Variants in IFIH1 observed in about 807,000 individuals in gnomAD.
IFIH1 encodes interferon-induced helicase C domain-containing protein 1.
A neutral mutation model predicts 107.4 loss-of-function variants in IFIH1; 125 were observed. The ratio of observed to expected loss-of-function variants is 1.16; its 90% CI spans 1.01 to 1.35. The LOEUF (loss-of-function observed/expected upper bound fraction) is 1.35, where lower values mean the gene tolerates loss of function less well. Ranked by LOEUF, IFIH1 falls within the 40% of genes most tolerant of loss-of-function variation. The pLI is 0.00. For synonymous variants in IFIH1, 458 were observed against 413.2 expected (o/e 1.11, Z -1.31); for missense variants, 1,333 against 1,213.7 (o/e 1.10, Z -1.46).
In IFIH1 at chr2:162,306,816, T is replaced by C; in HGVS notation, c.662A>G (p.Glu221Gly). Residue 221 changes from glutamate to glycine, a missense_variant, in exon 3 of 16, where the codon GAA (glutamate) becomes GGA (glycine). Transcript: ENST00000649979. Reference protein sequence around the residue: ...NLSQVDGPQVEEQLLSTTVQP... With the variant: ...NLSQVDGPQVGEQLLSTTVQP... ...AACTGTGGTTGAAAGAAGTTGCTCT[T>C]CCACTTGAGGACCATCAACTTGTGA... The C allele has an allele frequency of 6.2e-7, 1 of 1,613,970 alleles. No homozygotes were observed. The highest frequency in any genetic ancestry group is 8.5e-7 in the Non-Finnish European group (1 of 1,179,872).
chr2:162,297,731 C>T (rs958941221), intron 3 of IFIH1, among the ~76,000 whole-genome samples: 3 of 151,896 alleles, frequency 2.0e-5, no homozygotes, highest in Non-Finnish European at 4.4e-5. Context: ...TAAAGAAAAG[C>T]AGTTATTTAT....
chr2:162,298,768 A>G (rs573105937), intron 3 of IFIH1, among the ~76,000 whole-genome samples: 1 of 151,498 alleles, frequency 6.6e-6, no homozygotes, highest in East Asian at 2.0e-4. Flanking sequence ...ATATGGATCT[A>G]CACACACACG....
chr2:162,273,724 AAAAG>A lies in IFIH1; in HGVS notation c.2454+67_2454+70del, dbSNP rs1291099216. 2.6e-6 allele frequency: 3 copies of A among 1,167,782 alleles called. No homozygotes were observed. The African/African-American group carries it at 4.8e-5, about 19-fold the overall frequency. 72.3% of individuals were successfully genotyped at this position (1,167,782 alleles called of 1,614,324 possible). A position where few individuals can be genotyped will look rare whatever the true frequency, so the allele number is the denominator to read the frequency against. On this transcript the variant is annotated intron_variant, in intron 12 of 15. Transcript: ENST00000649979. ...AAAAAGATGTTTTTGCTGTTTAACT[AAAAG>A]AAAGCAATTAAAATAGGAACACAAC...
chr2:162,295,960 T>C (rs1035948228), intron 3 of IFIH1, among the ~76,000 whole-genome samples: 24 of 152,222 alleles, frequency 1.6e-4, no homozygotes, highest in Middle Eastern at 3.4e-3. Context: ...AATTTTGACA[T>C]GCTTTTCATT....
intron 3 of IFIH1, among the ~76,000 whole-genome samples, chr2:162,294,607 C>A (rs1040300373): frequency 6.6e-6 from 1 of 151,902 alleles, no homozygotes; most frequent in Non-Finnish European, 1.5e-5. Context: ...CTTCACAGCC[C>A]TTGATAATCT....
chr2:162,284,035 G>C (rs1338821450), intron 5 of IFIH1, among the ~76,000 whole-genome samples: 1 of 151,404 alleles, frequency 6.6e-6, no homozygotes, highest in Non-Finnish European at 1.5e-5. Context: ...AAACACGCTT[G>C]AGAAGTTTAG....
chr2:162,267,172 G>A lies in IFIH1; in HGVS notation c.*28C>T, dbSNP rs766932655. ...AATCATATTAAATGTTTAACTGATA[G>A]TATTTTAAAAGAATCTTCAATCAAG... On this transcript the variant is annotated 3_prime_UTR_variant, in exon 16 of 16. Coordinates refer to ENST00000649979, the MANE Select transcript of IFIH1 (RefSeq NM_022168.4). 2 of 1,443,818 alleles carry A rather than the reference G, an allele frequency of 1.4e-6. No homozygotes were observed. The highest frequency in any genetic ancestry group is 1.9e-6 in the Non-Finnish European group (2 of 1,058,442). The allele number at this position is 1,443,818 out of a possible 1,614,324, so 89.4% of individuals were successfully genotyped here.
chr2:162,270,695 CT>C lies in IFIH1; in HGVS notation c.2616+1530del, dbSNP rs376865504. 5.9e-5 allele frequency among the ~76,000 whole-genome samples: 9 copies of C among 152,306 alleles called. No homozygotes were observed. In the East Asian group the frequency reaches 1.7e-3, roughly 29 times the overall value. ...TGTCCTAGTGTTGACCCCCAAAAAA[CT>C]ACTCTTAAAACATCAGTCTTTGTAA... On this transcript the variant is annotated intron_variant, in intron 13 of 15. Transcript: ENST00000649979.
chr2:162,296,656 C>T (rs1474837241), intron 3 of IFIH1, among the ~76,000 whole-genome samples: 1 of 152,124 alleles, frequency 6.6e-6, no homozygotes, highest in Non-Finnish European at 1.5e-5. Context: ...CAGCAAGAGA[C>T]ATTTTCATTG....
intron 1 of IFIH1, 65 bp from the exon 2 acceptor site, chr2:162,310,998 A>T (rs1683377018): frequency 1.6e-6 from 2 of 1,281,686 alleles, no homozygotes; most frequent in Admixed American, 2.2e-5. Flanking sequence ...TAAACAGGAA[A>T]TACCCTTTAG....
chr2:162,314,233 C>T (rs576264935), intron 1 of IFIH1, among the ~76,000 whole-genome samples: 2 of 152,038 alleles, frequency 1.3e-5, no homozygotes, highest in Admixed American at 6.5e-5. Flanking sequence ...TACAGGGGTA[C>T]CCCCTTACCA....
At chr2:162,299,098 C>T (rs2105219488) in intron 3 of IFIH1, among the ~76,000 whole-genome samples, 1 of 152,216 alleles carries the variant, frequency 6.6e-6, no homozygotes, top group South Asian at 2.1e-4. Flanking sequence ...TCATCTATGC[C>T]CTTTAGCCTT....
At position 162,294,213 on chromosome 2, in the gene IFIH1, T is replaced by C. The variant is rs1683046745; in HGVS notation, c.770-545A>G. On this transcript the variant is annotated intron_variant, in intron 3 of 15. Transcript: ENST00000649979. Reference sequence around the variant, plus strand: ...CTAAAGCCTGGCATCACAGTTGTACTAGAAGCTCATGTGAGGTTGGAAATA... The same window carrying C: ...CTAAAGCCTGGCATCACAGTTGTACCAGAAGCTCATGTGAGGTTGGAAATA... Among the ~76,000 whole-genome samples, 3 of 151,950 alleles carry C rather than the reference T, an allele frequency of 2.0e-5. 1 individual carries two copies. In the South Asian group the frequency reaches 6.2e-4, roughly 31 times the overall value.
intron 11 of IFIH1, 48 bp downstream of exon 11, chr2:162,276,639 A>C (rs746248374): frequency 1.3e-6 from 2 of 1,557,428 alleles, no homozygotes; most frequent in East Asian, 4.5e-5. Flanking sequence ...GAAGAGAAGA[A>C]GAAAAGAGAA....
rs765761238 is a variant in IFIH1, at chr2:162,277,658, C to T, written c.1801G>A (p.Ala601Thr). 31 of 1,609,582 alleles carry T rather than the reference C, an allele frequency of 1.9e-5. No individual in the cohort carries two copies. Among genetic ancestry groups the T allele is most frequent in the Non-Finnish European group, 8.5e-7 (1 of 1,178,028 alleles). Residue 601 changes from alanine to threonine, a missense_variant, in exon 10 of 16, where the codon GCA becomes ACA. Physicochemically the swap from Ala to Thr is moderately conservative, Grantham distance 58. Coordinates refer to ENST00000649979, the MANE Select transcript of IFIH1 (RefSeq NM_022168.4). ...TCATTGTACTTCCTCAAATGTTCTG[C>T]ACAAACACGTTCTTTGCGATTTCCT... ...KEGNRKERVC[A>T]EHLRKYNEAL...
chr2:162,276,722 C>G lies in IFIH1; in HGVS notation c.2269G>C (p.Ala757Pro). 1 of 1,613,956 alleles carries G rather than the reference C, an allele frequency of 6.2e-7. No individual in the cohort carries two copies. ...VGVKAHHLIG[A>P]GHSSEFKPMT... ...GGTTTGAACTCACTGCTGTGTCCAG[C>G]TCCAATCAGATGGTGGGCTTTGACT... Residue 757 changes from alanine to proline, a missense_variant, in exon 11 of 16, where the codon GCT becomes CCT. By Grantham distance (27) the Ala-to-Pro change is conservative. Transcript: ENST00000649979.
intron 4 of IFIH1, among the ~76,000 whole-genome samples, chr2:162,288,917 G>GCACACACACACACA (rs3051152): frequency 2.5e-4 from 34 of 135,452 alleles, no homozygotes; most frequent in Non-Finnish European, 4.2e-4. Context: ...ATACCAAAAA[G>GCACACACACACACA]CACACACACA....
intron 12 of IFIH1, among the ~76,000 whole-genome samples, chr2:162,273,322 A>G (rs1691082061): frequency 1.3e-5 from 2 of 152,132 alleles, no homozygotes; most frequent in Admixed American, 1.3e-4. Context: ...CCCAACCAAC[A>G]TTTTATCATG....
chr2:162,271,997 T>C (rs1281817564), intron 13 of IFIH1, among the ~76,000 whole-genome samples: 1 of 152,194 alleles, frequency 6.6e-6, no homozygotes, highest in Non-Finnish European at 1.5e-5. Context: ...ATTTATATTA[T>C]CCAAATTTAT....
Sources: allele counts gnomAD v4.1 joint callset (sites outside exome capture counted in the v4.1 genomes callset), GRCh38; gene constraint gnomAD v4.1.1; transcripts MANE v1.5; gene names NCBI Gene and HGNC (gene_info 2026-07-23, HGNC 2026-07-21).